Variants in DIS3L2 observed in about 807,000 individuals in gnomAD.
The protein encoded by DIS3L2 is DIS3-like exonuclease 2.
A neutral mutation model predicts 97.5 loss-of-function variants in DIS3L2; 34 were observed. The ratio of observed to expected loss-of-function variants is 0.35; its 90% CI spans 0.27 to 0.46. DIS3L2 has a LOEUF of 0.46. DIS3L2 is among the 20% of genes least tolerant of loss of function. The pLI, the probability that DIS3L2 is intolerant of heterozygous loss-of-function variation, is 1.00. For missense variants in DIS3L2, 1,038 were observed against 1,146.0 expected (o/e 0.91, Z 1.36); for synonymous variants, 435 against 445.2 (o/e 0.98, Z 0.29).
intron 13 of DIS3L2, among the ~76,000 whole-genome samples, chr2:232,288,677 A>G (rs1275099459): frequency 1.3e-5 from 2 of 152,244 alleles, no homozygotes; most frequent in Non-Finnish European, 2.9e-5. Context: ...GAATACAGCC[A>G]GCTTGATCAC....
At position 232,112,112 on chromosome 2, in the gene DIS3L2, GT is replaced by G. The variant is rs1697552927; in HGVS notation, c.602-18504del. ...TTCATGTTTTATATAAGGCTTTTGA[GT>G]TTCTGATGGGCATTGTCATGAACAA... is the stretch of plus-strand genomic sequence containing the variant. On this transcript the variant is annotated intron_variant, in intron 6 of 20. Transcript: ENST00000325385. 2.6e-5 allele frequency among the ~76,000 whole-genome samples: 4 copies of G among 152,322 alleles called. No homozygotes were observed. The South Asian group carries it at 8.3e-4, about 32-fold the overall frequency.
intron 6 of DIS3L2, among the ~76,000 whole-genome samples, chr2:232,100,974 G>A (rs1205518367): frequency 2.0e-5 from 3 of 152,016 alleles, no homozygotes; most frequent in Admixed American, 6.6e-5. Flanking sequence ...GGTGGCTCAC[G>A]CCTGTAATGC....
chr2:232,294,245 C>T (rs1366666927), intron 13 of DIS3L2, among the ~76,000 whole-genome samples: 7 of 152,194 alleles, frequency 4.6e-5, no homozygotes, highest in Admixed American at 3.3e-4. Flanking sequence ...AGAGCTGTCA[C>T]GTCCAGCCCT....
intron 17 of DIS3L2, 121 bp from the exon 18 acceptor site, chr2:232,334,248 A>G: frequency 7.5e-7 from 1 of 1,327,866 alleles, no homozygotes; most frequent in Non-Finnish European, 1.0e-6. Flanking sequence ...CTGCCCTGGG[A>G]GCTGGGTGCT....
At chr2:232,205,817 T>C (rs557805835) in intron 9 of DIS3L2, among the ~76,000 whole-genome samples, 2 of 152,340 alleles carry the variant, frequency 1.3e-5, no homozygotes, top group South Asian at 2.1e-4. Context: ...ACAGTTCATA[T>C]AGCATAAAAA....
At chr2:232,122,395 T>C (rs895929852) in intron 6 of DIS3L2, among the ~76,000 whole-genome samples, 2 of 152,156 alleles carry the variant, frequency 1.3e-5, no homozygotes, top group African/African-American at 4.8e-5. Flanking sequence ...GCCAGTTGTG[T>C]CCAAAATAAC....
At chr2:232,051,811 C>CA (rs58851349) in intron 5 of DIS3L2, among the ~76,000 whole-genome samples, 630 of 37,066 alleles carry the variant, frequency 0.017, 122 homozygotes, top group African/African-American at 0.027. Context: ...GACTCCGTCT[C>CA]AAAAAAAAAA....
At chr2:232,309,000 T>C (rs920362689) in intron 14 of DIS3L2, among the ~76,000 whole-genome samples, 5 of 152,234 alleles carry the variant, frequency 3.3e-5, no homozygotes, top group African/African-American at 1.2e-4. Context: ...CTGTGAAGGA[T>C]GAGGGGAGGG....
intron 5 of DIS3L2, among the ~76,000 whole-genome samples, chr2:232,036,077 G>A (rs1263803186): frequency 6.6e-6 from 1 of 152,170 alleles, no homozygotes; most frequent in Non-Finnish European, 1.5e-5. Flanking sequence ...TGTCTTGCTA[G>A]GTTGGGGAAG....
chr2:232,243,876 G>A (rs1349720786), intron 11 of DIS3L2, among the ~76,000 whole-genome samples: 2 of 152,220 alleles, frequency 1.3e-5, no homozygotes, highest in African/African-American at 2.4e-5. Flanking sequence ...CATTGAGGGT[G>A]CAGGCTTTTC....
intron 14 of DIS3L2, among the ~76,000 whole-genome samples, chr2:232,318,014 C>G (rs564120469): frequency 2.6e-5 from 4 of 152,294 alleles, no homozygotes; most frequent in Admixed American, 2.6e-4. Context: ...ACCTTTCCCC[C>G]CTGACTTTAG....
chr2:232,084,975 A>G (rs1258845319), intron 5 of DIS3L2, among the ~76,000 whole-genome samples: 1 of 152,176 alleles, frequency 6.6e-6, no homozygotes, highest in Non-Finnish European at 1.5e-5. Context: ...ATGTTAATTG[A>G]ACCTACTGTA....
chr2:232,062,643 C>T (rs141621622), intron 5 of DIS3L2, among the ~76,000 whole-genome samples: 57 of 152,130 alleles, frequency 3.7e-4, no homozygotes, highest in Non-Finnish European at 6.5e-4. Context: ...TGCTATCCCT[C>T]GAATCAGCCA....
intron 9 of DIS3L2, among the ~76,000 whole-genome samples, chr2:232,206,167 T>A (rs1229084612): frequency 1.3e-5 from 2 of 152,192 alleles, no homozygotes; most frequent in Non-Finnish European, 2.9e-5. Context: ...CACAAAGAAG[T>A]GCCAGGAGCA....
chr2:232,343,234 G>A (rs536003949), intron 13 of DIS3L2: 334 of 865,664 alleles, frequency 3.9e-4, no homozygotes, highest in Non-Finnish European at 5.6e-4. Context: ...GTATCTTTCT[G>A]AAGCTATGGA....
At chr2:232,291,061 A>G (rs1174053557) in intron 13 of DIS3L2, among the ~76,000 whole-genome samples, 7 of 152,168 alleles carry the variant, frequency 4.6e-5, no homozygotes, top group Non-Finnish European at 1.0e-4. Context: ...GGTGGGGAGG[A>G]AAATCCTGCT....
In DIS3L2 at chr2:232,136,590, G is replaced by A. The variant is rs1482350666; in HGVS notation, c.821G>A (p.Arg274Gln). ...GCCCTGTTTTCTCCCTCAGACCACC[G>A]AGTGCCTAGAATTTATGTGCCTCTC... ...KYALFSPSDHRVPRIYVPLKD... is the reference protein window; with the variant it reads ...KYALFSPSDHQVPRIYVPLKD... Residue 274 changes from arginine to glutamine, a missense_variant, in exon 8 of 21, where the codon CGA becomes CAA. Physicochemically the swap from Arg to Gln is conservative, Grantham distance 43 (BLOSUM62 1). This residue lies in a region of DIS3L2 where 813 missense variants were observed against 880.1 expected (regional missense o/e 0.92). Transcript: ENST00000325385. 3.1e-6 allele frequency: 5 copies of A among 1,613,844 alleles called. No individual in the cohort carries two copies.
chr2:232,034,370 A>C (rs1178507731), intron 5 of DIS3L2, among the ~76,000 whole-genome samples: 1 of 152,034 alleles, frequency 6.6e-6, no homozygotes, highest in Non-Finnish European at 1.5e-5. Flanking sequence ...CTTCTTCATT[A>C]GGCTGTCTAC....
intron 1 of DIS3L2, among the ~76,000 whole-genome samples, chr2:231,989,011 G>A (rs1265336680): frequency 6.6e-6 from 1 of 152,082 alleles, no homozygotes; most frequent in African/African-American, 2.4e-5. Flanking sequence ...GGTAAAATTG[G>A]CCACGTGGAT....
Sources: allele counts gnomAD v4.1 joint callset (sites outside exome capture counted in the v4.1 genomes callset), GRCh38; gene constraint gnomAD v4.1.1; regional missense constraint gnomAD v4.1.1; transcripts MANE v1.5; gene names NCBI Gene and HGNC (gene_info 2026-07-23, HGNC 2026-07-21).